PIWIL2: variants seen among roughly 807,000 people sequenced by gnomAD.
PIWIL2 encodes the protein piwi-like protein 2.
In PIWIL2, 81 loss-of-function variants were observed where a neutral mutation model predicts 116.5. The observed-to-expected ratio is 0.70, with a 90% CI of 0.58 to 0.84. The LOEUF (loss-of-function observed/expected upper bound fraction) is 0.84, where lower values mean the gene tolerates loss of function less well. Ranked by LOEUF, PIWIL2 falls within the 40% of genes least tolerant of loss-of-function variation. The pLI, the probability that PIWIL2 is intolerant of heterozygous loss-of-function variation, is 0.00. For synonymous variants in PIWIL2, 489 were observed against 429.5 expected (o/e 1.14, Z -1.71); for missense variants, 1,272 against 1,212.3 (o/e 1.05, Z -0.73).
chr8:22,283,372 T>C (rs1830557433), intron 5 of PIWIL2, 132 bp downstream of exon 5: 1 of 678,498 alleles, frequency 1.5e-6, no homozygotes, highest in African/African-American at 1.8e-5. Flanking sequence ...GTGTTTTGTT[T>C]TTTGCCAGTG....
At position 22,307,952 on chromosome 8, in the gene PIWIL2, A is replaced by G. The variant is rs565122477; in HGVS notation, c.1565A>G (p.Asn522Ser). The change falls in exon 14 of 23, where the codon AAT (asparagine) becomes AGT (serine). Residue 522 changes from asparagine to serine, a missense_variant. By Grantham distance (46) the Asn-to-Ser change is conservative. Transcript: ENST00000356766. ...RAMKDLAQQI[N>S]LSPKQHHSAL... is the part of the protein sequence containing the mutation. The stretch of plus-strand genomic sequence containing the variant: ...GTTTAGGATTTGGCTCAGCAAATCA[A>G]TCTGAGCCCCAAGCAACACCATAGT... The G allele has an allele frequency of 2.6e-5, 42 of 1,610,096 alleles. No homozygotes were observed. The highest frequency in any genetic ancestry group is 3.1e-5 in the Non-Finnish European group (36 of 1,177,558).
chr8:22,320,162 C>T (rs1187913373), intron 20 of PIWIL2, among the ~76,000 whole-genome samples: 2 of 150,930 alleles, frequency 1.3e-5, no homozygotes, highest in Non-Finnish European at 2.9e-5. Flanking sequence ...AGGGTTTCGG[C>T]GTCTTGGCCA....
chr8:22,349,717 A>G (rs1008273504), intron 20 of PIWIL2, among the ~76,000 whole-genome samples: 1 of 152,100 alleles, frequency 6.6e-6, no homozygotes, highest in Non-Finnish European at 1.5e-5. Flanking sequence ...GGAACTGGTA[A>G]CTTGAGCAGA....
intron 20 of PIWIL2, among the ~76,000 whole-genome samples, chr8:22,347,550 G>A (rs1461421086): frequency 8.9e-5 from 12 of 134,214 alleles, no homozygotes; most frequent in South Asian, 4.8e-4. Flanking sequence ...TATTTGAGAC[G>A]GAGTCCTGCT....
chr8:22,284,266 C>A lies in PIWIL2; in HGVS notation c.737C>A (p.Thr246Asn). 6.5e-7 allele frequency: 1 copy of A among 1,538,302 alleles called. No homozygotes were observed. The highest frequency in any genetic ancestry group is 8.9e-7 in the Non-Finnish European group (1 of 1,120,658). Reference protein sequence around the residue: ...HNEAVYQYHVTFSPNVECKSM... With the variant: ...HNEAVYQYHVNFSPNVECKSM... ...GAAGCAGTTTATCAATATCATGTGACTTTCAGGTATTCACAGCTTTCCTTT... is the reference window on the plus strand; with the variant it reads ...GAAGCAGTTTATCAATATCATGTGAATTTCAGGTATTCACAGCTTTCCTTT... The change falls in exon 6 of 23, where the codon ACT (threonine) becomes AAT (asparagine). Residue 246 changes from threonine (T) to asparagine (N), a missense_variant. Coordinates refer to ENST00000356766, the MANE Select transcript of PIWIL2 (RefSeq NM_018068.5).
At chr8:22,307,324 A>C (rs1431532560) in intron 13 of PIWIL2, among the ~76,000 whole-genome samples, 1 of 152,056 alleles carries the variant, frequency 6.6e-6, no homozygotes, top group Non-Finnish European at 1.5e-5. Context: ...GCCAGGCCCC[A>C]CATTTTAAGT....
At chr8:22,276,516 A>G (rs559559430) in intron 1 of PIWIL2, among the ~76,000 whole-genome samples, 79 of 152,086 alleles carry the variant, frequency 5.2e-4, no homozygotes, top group Non-Finnish European at 7.9e-4. Flanking sequence ...AGGGTTCACC[A>G]TTTTGGTCAG....
intron 4 of PIWIL2, among the ~76,000 whole-genome samples, 165 bp from the exon 5 acceptor site, chr8:22,282,869 C>T (rs910687412): frequency 6.6e-6 from 1 of 152,220 alleles, no homozygotes; most frequent in East Asian, 1.9e-4. Context: ...GGGTTACAGG[C>T]GTGAGCCACT....
At chr8:22,303,985 T>G (rs747901387) in intron 10 of PIWIL2, 36 bp from the exon 11 acceptor site, 2 of 1,423,252 alleles carry the variant, frequency 1.4e-6, no homozygotes, top group South Asian at 2.4e-5. Context: ...TCTGGATATA[T>G]ACTGTGATCC....
In PIWIL2 at chr8:22,356,639, A is replaced by G. The variant is rs144766071; in HGVS notation, c.*1134A>G. 41 of 152,104 alleles carry G rather than the reference A, an allele frequency of 2.7e-4. No homozygotes were observed. Among genetic ancestry groups the G allele is most frequent in the African/African-American group, 7.7e-4 (32 of 41,472 alleles). 9.4% of individuals were successfully genotyped at this position (152,104 alleles called of 1,614,324 possible). On this transcript the variant is annotated 3_prime_UTR_variant, in exon 23 of 23. Transcript: ENST00000356766. ...TCCCAGGTGTGTGGCCTTTATTTCT[A>G]TTTATATATGTTTGTAAATGGAATT...
At chr8:22,301,788 C>G (rs887887535) in intron 10 of PIWIL2, among the ~76,000 whole-genome samples, 1 of 151,574 alleles carries the variant, frequency 6.6e-6, no homozygotes, top group Non-Finnish European at 1.5e-5. Context: ...TTTGAGTTAA[C>G]TTTTACAGGT....
intron 1 of PIWIL2, among the ~76,000 whole-genome samples, chr8:22,279,078 C>T (rs1830441269): frequency 6.6e-6 from 1 of 151,920 alleles, no homozygotes; most frequent in Non-Finnish European, 1.5e-5. Context: ...AAACCATCCC[C>T]CCACCCCTGG....
At position 22,324,332 on chromosome 8, in the gene PIWIL2, C is replaced by T. The variant is rs1189706730; in HGVS notation, c.2403+6057C>T. ...CTTTCCCTAATCCTCAGATATCATT[C>T]TTCCTTCTCTCCATTTATACCCCCA... is the stretch of plus-strand genomic sequence containing the variant. On this transcript the variant is annotated intron_variant, in intron 20 of 22. Transcript: ENST00000356766. 2.6e-5 allele frequency among the ~76,000 whole-genome samples: 4 copies of T among 152,096 alleles called. No individual in the cohort carries two copies. The East Asian group carries it at 5.8e-4, about 22-fold the overall frequency.
chr8:22,337,071 A>G (rs915350010), intron 20 of PIWIL2, among the ~76,000 whole-genome samples: 20 of 152,154 alleles, frequency 1.3e-4, no homozygotes, highest in African/African-American at 4.8e-4. Flanking sequence ...ATAAGAAACC[A>G]GTTTTGTTTT....
chr8:22,332,819 A>G (rs143216336), intron 20 of PIWIL2, among the ~76,000 whole-genome samples: 3 of 152,272 alleles, frequency 2.0e-5, no homozygotes, highest in Non-Finnish European at 2.9e-5. Context: ...GCTGACTTAC[A>G]CTGAAGGAAA....
intron 20 of PIWIL2, among the ~76,000 whole-genome samples, chr8:22,320,159 C>T (rs994122447): frequency 2.6e-5 from 4 of 151,214 alleles, no homozygotes; most frequent in East Asian, 2.0e-4. Flanking sequence ...GACAGGGTTT[C>T]GGCGTCTTGG....
intron 1 of PIWIL2, among the ~76,000 whole-genome samples, chr8:22,277,273 C>T (rs999489459): frequency 1.3e-5 from 2 of 152,160 alleles, no homozygotes; most frequent in African/African-American, 2.4e-5. Flanking sequence ...CCACCCGCCT[C>T]GGCCTCCCAA....
chr8:22,325,876 A>G (rs961564065), intron 20 of PIWIL2, among the ~76,000 whole-genome samples: 3 of 152,142 alleles, frequency 2.0e-5, no homozygotes, highest in Admixed American at 2.0e-4. Context: ...TGCTCATGTC[A>G]GGCACTGTCA....
chr8:22,347,169 C>CAA (rs757849935), intron 20 of PIWIL2, among the ~76,000 whole-genome samples: 46 of 75,152 alleles, frequency 6.1e-4, no homozygotes, highest in Admixed American at 2.5e-3. Context: ...GACGTTGTCT[C>CAA]AAAAAAAAAA....
Sources: gnomAD v4.1 joint callset for allele counts (sites outside exome capture counted in the v4.1 genomes callset) on GRCh38, gnomAD v4.1.1 for gene constraint, MANE v1.5 for transcripts, NCBI Gene and HGNC (gene_info 2026-07-23, HGNC 2026-07-21) for gene names.